Variants in RBM25 observed in about 807,000 individuals in gnomAD.
The protein encoded by RBM25 is RNA-binding protein 25.
Under a neutral mutation model 120.7 loss-of-function variants are expected in RBM25, and 19 were observed. The ratio of observed to expected loss-of-function variants is 0.16; its 90% CI spans 0.11 to 0.23. The LOEUF (loss-of-function observed/expected upper bound fraction) is 0.23. Among genes scored for constraint, RBM25 ranks in the 10% least tolerant of loss-of-function variants. The probability of loss-of-function intolerance (pLI) is 1.00; values close to 1 mark genes in which losing one functional copy is unlikely to be tolerated. For missense variants in RBM25, 605 were observed against 1,041.5 expected (o/e 0.58, Z 5.77); for synonymous variants, 390 against 326.7 (o/e 1.19, Z -2.09).
At chr14:73,092,430 T>C (rs1895839712) in intron 6 of RBM25, among the ~76,000 whole-genome samples, 1 of 152,172 alleles carries the variant, frequency 6.6e-6, no homozygotes, top group African/African-American at 2.4e-5. Context: ...TTGAAAACCC[T>C]TTGTGTTGCT....
At chr14:73,091,985 T>G (rs558289042) in intron 6 of RBM25, among the ~76,000 whole-genome samples, 1 of 152,288 alleles carries the variant, frequency 6.6e-6, no homozygotes, top group Non-Finnish European at 1.5e-5. Flanking sequence ...GTTCCAACTG[T>G]TATATGTGTA....
In RBM25 at chr14:73,123,735, A is replaced by G. The variant is rs1269871335; in HGVS notation, c.*3930A>G. Reference sequence around the variant, plus strand: ...GAAATATTTATGTTAATTTATTTGCATTTGAATGCTTACATTTTTAATTGA... The same window carrying G: ...GAAATATTTATGTTAATTTATTTGCGTTTGAATGCTTACATTTTTAATTGA... On this transcript the variant is annotated 3_prime_UTR_variant, in exon 19 of 19. Coordinates refer to ENST00000261973, the MANE Select transcript of RBM25 (RefSeq NM_021239.3). 2 of 152,358 alleles carry G rather than the reference A, an allele frequency of 1.3e-5. No homozygotes were observed. The highest frequency in any genetic ancestry group is 1.5e-5 in the Non-Finnish European group (1 of 68,024). The allele number at this position is 152,358 out of a possible 1,614,324, so 9.4% of individuals were successfully genotyped here.
intron 10 of RBM25, 51 bp downstream of exon 10, chr14:73,103,529 G>A (rs757786785): frequency 1.1e-5 from 17 of 1,524,440 alleles, no homozygotes; most frequent in African/African-American, 5.6e-5. Flanking sequence ...GAAAACTATC[G>A]GGTAGTCCTC....
chr14:73,068,134 G>A, intron 1 of RBM25: 1 of 783,166 alleles, frequency 1.3e-6, no homozygotes, highest in East Asian at 3.1e-5. Flanking sequence ...CTGGAAGGTT[G>A]GTCCTAGATG....
intron 4 of RBM25, among the ~76,000 whole-genome samples, chr14:73,082,261 C>T (rs1169926618): frequency 2.0e-5 from 3 of 152,108 alleles, no homozygotes; most frequent in Admixed American, 2.0e-4. Flanking sequence ...ACACCCTCCT[C>T]CTTCTGTCTT....
chr14:73,086,449 A>AAC (rs1895688296), intron 5 of RBM25, among the ~76,000 whole-genome samples: 1 of 151,934 alleles, frequency 6.6e-6, no homozygotes, highest in Non-Finnish European at 1.5e-5. Context: ...AAAAAAAAAA[A>AAC]ACAAAACAGT....
At chr14:73,074,916 A>G (rs1405763763) in intron 2 of RBM25, among the ~76,000 whole-genome samples, 1 of 151,260 alleles carries the variant, frequency 6.6e-6, no homozygotes, top group Non-Finnish European at 1.5e-5. Flanking sequence ...GTGTTGGCTC[A>G]AGCGATGTGC....
intron 6 of RBM25, among the ~76,000 whole-genome samples, chr14:73,094,961 A>G (rs762925312): frequency 4.2e-4 from 64 of 151,710 alleles, no homozygotes; most frequent in Non-Finnish European, 7.8e-4. Flanking sequence ...GGTTCAAGCA[A>G]TTCTCTTGCC....
chr14:73,065,988 G>A (rs1034732630), intron 1 of RBM25, among the ~76,000 whole-genome samples: 4 of 152,036 alleles, frequency 2.6e-5, no homozygotes, highest in African/African-American at 4.8e-5. Flanking sequence ...TATAGTATGC[G>A]GCATGAGATA....
intron 5 of RBM25, among the ~76,000 whole-genome samples, chr14:73,084,735 A>G (rs1396574628): frequency 2.0e-5 from 3 of 151,398 alleles, no homozygotes; most frequent in Non-Finnish European, 4.4e-5. Context: ...TATTTTTAGT[A>G]GAGACGGGGT....
intron 13 of RBM25, among the ~76,000 whole-genome samples, chr14:73,108,120 G>A (rs1896228213): frequency 6.6e-6 from 1 of 152,198 alleles, no homozygotes; most frequent in South Asian, 2.1e-4. Flanking sequence ...CAGTGGGGGA[G>A]CCCATGATAG....
At chr14:73,119,624 A>T in intron 18 of RBM25, 89 bp from the exon 19 acceptor site, 1 of 1,559,418 alleles carries the variant, frequency 6.4e-7, no homozygotes, top group Non-Finnish European at 8.7e-7. Flanking sequence ...TTGTCAGTGG[A>T]TGAAAAACTT....
intron 4 of RBM25, among the ~76,000 whole-genome samples, chr14:73,080,046 TG>T (rs1895520925): frequency 6.7e-6 from 1 of 150,188 alleles, no homozygotes; most frequent in South Asian, 2.1e-4. Context: ...TTACTGCTAA[TG>T]TTTTCTCCCT....
intron 12 of RBM25, 141 bp downstream of exon 12, chr14:73,106,426 A>G: frequency 1.3e-6 from 1 of 747,662 alleles, no homozygotes; most frequent in South Asian, 4.5e-5. Context: ...ATTTTGAGTA[A>G]TTTTGAGCCA....
intron 14 of RBM25, among the ~76,000 whole-genome samples, 162 bp downstream of exon 14, chr14:73,109,654 G>A (rs1393866994): frequency 6.6e-6 from 1 of 152,084 alleles, no homozygotes; most frequent in East Asian, 2.0e-4. Flanking sequence ...TTAGCCGGGT[G>A]TAGTGGTGGG....
Position 73,111,714 on chromosome 14 carries a change from G to A in RBM25, c.2204G>A (p.Arg735His), listed in dbSNP as rs775839036. The change falls in exon 16 of 19, where the codon CGT (arginine) becomes CAT (histidine). Residue 735 changes from arginine to histidine, a missense_variant. Physicochemically the swap from Arg to His is conservative, Grantham distance 29. Around this residue, in one of 4 missense-constraint regions of RBM25, gnomAD observed 465 missense variants for 741.6 expected, o/e 0.63. Coordinates refer to ENST00000261973, the MANE Select transcript of RBM25 (RefSeq NM_021239.3). ...TKGTVNTEEK[R>H]KHIKSLIEKI... Reference sequence around the variant, plus strand: ...GGCACTGTAAACACTGAAGAAAAGCGTAAACACATTAAGAGTCTCATTGAG... The same window carrying A: ...GGCACTGTAAACACTGAAGAAAAGCATAAACACATTAAGAGTCTCATTGAG... 2 of 1,614,096 alleles carry A rather than the reference G, an allele frequency of 1.2e-6. No homozygotes were observed. Among genetic ancestry groups the A allele is most frequent in the Middle Eastern group, 1.7e-4 (1 of 6,060 alleles).
chr14:73,114,450 A>G, intron 18 of RBM25, 117 bp downstream of exon 18: 1 of 635,750 alleles, frequency 1.6e-6, no homozygotes, highest in Non-Finnish European at 2.5e-6. Context: ...TTAAATTCCT[A>G]GGCTTAAGTG....
At chr14:73,113,102 A>T (rs1896349194) in intron 17 of RBM25, among the ~76,000 whole-genome samples, 1 of 151,994 alleles carries the variant, frequency 6.6e-6, no homozygotes, top group Non-Finnish European at 1.5e-5. Flanking sequence ...CATCTACATT[A>T]GGTATTTCTC....
chr14:73,088,512 T>A, intron 6 of RBM25: 2 of 410,234 alleles, frequency 4.9e-6, no homozygotes, highest in South Asian at 1.8e-5. Flanking sequence ...ACAATTTTTA[T>A]TAGTTTCCCT....
Sources: allele counts gnomAD v4.1 joint callset (sites outside exome capture counted in the v4.1 genomes callset), GRCh38; gene constraint gnomAD v4.1.1; regional missense constraint gnomAD v4.1.1; transcripts MANE v1.5; gene names NCBI Gene and HGNC (gene_info 2026-07-23, HGNC 2026-07-21).